BCOR: variants seen among roughly 807,000 people sequenced by gnomAD.
BCOR encodes BCL-6 corepressor.
In BCOR, 10 loss-of-function variants were observed where a neutral mutation model predicts 86.7. The ratio of observed to expected loss-of-function variants is 0.12; its 90% CI spans 0.07 to 0.20. The LOEUF is 0.20. Among genes scored for constraint, BCOR ranks in the 10% least tolerant of loss-of-function variants. The pLI is 1.00. For missense variants in BCOR, 1,259 were observed against 1,452.1 expected, an observed-to-expected ratio of 0.87 and a Z score of 2.16; for synonymous variants, 611 against 609.0, an observed-to-expected ratio of 1.00 and a Z score of -0.05.
chrX:40,162,491 G>A (rs937044767), intron 1 of BCOR, among the ~76,000 whole-genome samples: 10 of 111,345 alleles, frequency 9.0e-5, no homozygotes, highest in Non-Finnish European at 1.7e-4. Context: ...CTGGGAAGCC[G>A]TGGTGAGGTC....
chrX:40,073,876 TGGA>T lies in BCOR; in HGVS notation c.1467_1469del (p.Pro490del), dbSNP rs758303561. 4 of 1,212,301 alleles carry T rather than the reference TGGA, an allele frequency of 3.3e-6. No individual in the cohort carries two copies. The Admixed American group carries it at 6.5e-5, about 20-fold the overall frequency. ...ATCTATAGATAGCACAACCATTTCCTGGAGGAGATAGTGTTTCTTTCGGAATCT... is the reference window on the plus strand; with the variant it reads ...ATCTATAGATAGCACAACCATTTCCTGGAGATAGTGTTTCTTTCGGAATCT... On this transcript the variant is annotated inframe_deletion, in exon 4 of 15. Coordinates refer to ENST00000378444, the MANE Select transcript of BCOR (RefSeq NM_001123385.2).
upstream of BCOR, among the ~76,000 whole-genome samples, chrX:40,101,683 G>A (rs762820032): frequency 7.1e-4 from 80 of 112,739 alleles, no homozygotes; most frequent in Non-Finnish European, 1.1e-3. Context: ...CCTGGCCTAG[G>A]GGAAAGGCCA....
At chrX:40,098,411 G>A (rs1936995401), upstream of BCOR, among the ~76,000 whole-genome samples, 1 of 110,813 alleles carries the variant, frequency 9.0e-6, no homozygotes, top group Non-Finnish European at 1.9e-5. Context: ...GGGCGAGCCG[G>A]AGACCGACTT....
chrX:40,123,821 G>A (rs997915245), intron 1 of BCOR, among the ~76,000 whole-genome samples: 5 of 109,360 alleles, frequency 4.6e-5, no homozygotes, highest in Non-Finnish European at 7.6e-5. Context: ...GTGTGTGTGT[G>A]CACGCGCGCA....
rs1457205832 is a variant in BCOR at position 40,074,958 on chromosome X, C to T, written c.388G>A (p.Glu130Lys). 7 of 1,210,956 alleles carry T rather than the reference C, an allele frequency of 5.8e-6. No individual in the cohort carries two copies. The highest frequency in any genetic ancestry group is 7.8e-6 in the Non-Finnish European group (7 of 895,236). ...GAGACGGCAGAAGCCTCCACTGTCT[C>T]GGGTGTATTCGGTTTGAACTGCATC... ...PEMQFKPNTP[E>K]TVEASAVSGK... Residue 130 changes from glutamate (E) to lysine (K), a missense_variant, in exon 4 of 15, where the codon GAG (glutamate) becomes AAG (lysine). Transcript: ENST00000378444.
intron 1 of BCOR, among the ~76,000 whole-genome samples, chrX:40,153,321 C>T (rs766437761): frequency 2.5e-4 from 28 of 112,688 alleles, no homozygotes; most frequent in Non-Finnish European, 5.6e-5. Flanking sequence ...CCACCCTCGC[C>T]CAAGGCCCGA....
upstream of BCOR, among the ~76,000 whole-genome samples, chrX:40,099,009 C>T (rs950988064): frequency 8.9e-6 from 1 of 112,962 alleles, no homozygotes; most frequent in Non-Finnish European, 1.9e-5. Context: ...CCCCTCGCCC[C>T]GGCGTTGGGA....
chrX:40,079,860 T>A (rs1935994377), intron 1 of BCOR, among the ~76,000 whole-genome samples: 1 of 109,947 alleles, frequency 9.1e-6, no homozygotes, highest in Admixed American at 9.5e-5. Context: ...CAGTGTCCCC[T>A]CTCCGGCCCC....
intron 1 of BCOR, among the ~76,000 whole-genome samples, chrX:40,089,790 G>C (rs1349740149): frequency 1.8e-5 from 2 of 111,802 alleles, no homozygotes; most frequent in Non-Finnish European, 3.8e-5. Context: ...TATCTAGATA[G>C]AGCAAAAGCC....
At chrX:40,156,105 C>T (rs1938287902) in intron 1 of BCOR, among the ~76,000 whole-genome samples, 2 of 113,413 alleles carry the variant, frequency 1.8e-5, no homozygotes, top group Admixed American at 1.8e-4. Context: ...CATCCCCTCC[C>T]CCTCCTCCGA....
chrX:40,075,734 G>A (rs887192910), intron 3 of BCOR, among the ~76,000 whole-genome samples: 18 of 111,172 alleles, frequency 1.6e-4, no homozygotes, highest in African/African-American at 5.2e-4. Flanking sequence ...ACTCCAGGCC[G>A]GGCGACACAG....
chrX:40,062,107 T>C (rs759788693), intron 10 of BCOR, 32 bp downstream of exon 10: 1 of 1,184,500 alleles, frequency 8.4e-7, no homozygotes, highest in Non-Finnish European at 1.1e-6. Flanking sequence ...CCCCCCAGCC[T>C]GCAGCCCCAG....
At chrX:40,142,480 C>T (rs1010340233) in intron 1 of BCOR, among the ~76,000 whole-genome samples, 1 of 112,040 alleles carries the variant, frequency 8.9e-6, no homozygotes, top group Non-Finnish European at 1.9e-5. Flanking sequence ...GAAGGTTCTC[C>T]CCTGCTCCTC....
chrX:40,176,417 C>A (rs1384018714), intron 1 of BCOR, among the ~76,000 whole-genome samples: 2 of 112,599 alleles, frequency 1.8e-5, no homozygotes, highest in African/African-American at 6.4e-5. Flanking sequence ...ATGGGGCGCC[C>A]CTGGGACGCA....
At position 40,073,775 on chromosome X, in the gene BCOR, C is replaced by T. The variant is rs2147240300; in HGVS notation, c.1571G>A (p.Ser524Asn). The T allele has an allele frequency of 2.5e-6, 3 of 1,212,722 alleles. No homozygotes were observed. The highest frequency in any genetic ancestry group is 3.3e-6 in the Non-Finnish European group (3 of 895,730). ...CAATGCCTTGTTTTTCAGCGACATGCTTTTGCCATTGTTCTCTTCGTTAGG... is the reference window on the plus strand; with the variant it reads ...CAATGCCTTGTTTTTCAGCGACATGTTTTTGCCATTGTTCTCTTCGTTAGG... ...PSPNEENNGKSMSLKNKALDW... is the reference protein window; with the variant it reads ...PSPNEENNGKNMSLKNKALDW... Residue 524 changes from serine to asparagine, a missense_variant, in exon 4 of 15, where the codon AGC becomes AAC. Physicochemically the swap from Ser to Asn is conservative, Grantham distance 46. This residue lies in a region of BCOR where 534 missense variants were observed against 594.8 expected (regional missense o/e 0.90). Coordinates refer to ENST00000378444, the MANE Select transcript of BCOR (RefSeq NM_001123385.2).
Position 40,074,813 on chromosome X carries a change from G to A in BCOR, c.533C>T (p.Pro178Leu), listed in dbSNP as rs1201154439. 3 of 1,210,038 alleles carry A rather than the reference G, an allele frequency of 2.5e-6. No homozygotes were observed. The highest frequency in any genetic ancestry group is 3.4e-6 in the Non-Finnish European group (3 of 895,226). ...LDRPASDKQS[P>L]LNINGASYLR... ...ATAACTAGCACCATTGATGTTGAGA[G>A]GGCTCTGTTTGTCGCTGGCAGGCCT... The change falls in exon 4 of 15, where the codon CCT (proline) becomes CTT (leucine). Residue 178 changes from proline to leucine, a missense_variant. Transcript: ENST00000378444.
chrX:40,070,634 TC>T (rs1935430483), intron 6 of BCOR, among the ~76,000 whole-genome samples: 1 of 111,810 alleles, frequency 8.9e-6, no homozygotes, highest in Non-Finnish European at 1.9e-5. Flanking sequence ...GACTCTTCAT[TC>T]CACATCAGAC....
intron 1 of BCOR, among the ~76,000 whole-genome samples, chrX:40,136,805 G>C (rs762539594): frequency 8.9e-6 from 1 of 111,765 alleles, no homozygotes; most frequent in Non-Finnish European, 1.9e-5. Flanking sequence ...AGTTGAGGAA[G>C]AAAAAAACAT....
chrX:40,140,294 C>CAA (rs1201322617), intron 1 of BCOR, among the ~76,000 whole-genome samples: 2 of 53,624 alleles, frequency 3.7e-5, no homozygotes, highest in Non-Finnish European at 7.4e-5. Flanking sequence ...CCAGTCTCTA[C>CAA]AAAAAAAAAA....
Sources: gnomAD v4.1 joint callset for allele counts (sites outside exome capture counted in the v4.1 genomes callset) on GRCh38, gnomAD v4.1.1 for gene constraint, gnomAD v4.1.1 regional missense constraint, MANE v1.5 for transcripts, NCBI Gene and HGNC (gene_info 2026-07-23, HGNC 2026-07-21) for gene names.